SPATA6: variants seen among roughly 807,000 people sequenced by gnomAD.
SPATA6 encodes the protein spermatogenesis-associated protein 6.
A neutral mutation model predicts 65.3 loss-of-function variants in SPATA6; 56 were observed. The ratio of observed to expected loss-of-function variants is 0.86; its 90% CI spans 0.69 to 1.07. SPATA6 has a LOEUF of 1.07. Ranked by LOEUF, SPATA6 falls within the 50% of genes least tolerant of loss-of-function variation. The pLI is 0.00. For synonymous variants in SPATA6, 199 were observed against 213.2 expected (o/e 0.93, Z 0.58); for missense variants, 590 against 594.8 (o/e 0.99, Z 0.08).
In SPATA6 at chr1:48,472,103, TGGC is replaced by T. The variant is rs1658314108; in HGVS notation, c.-98_-96del. On this transcript the variant is annotated 5_prime_UTR_variant, in exon 1 of 13. Coordinates refer to ENST00000371847, the MANE Select transcript of SPATA6 (RefSeq NM_019073.4). Reference sequence around the variant, plus strand: ...GGGCGGGGACGGGGAGGAGACGAGGTGGCGGCGGCGGTGGCAGCAGTGGCCCCC... The same window carrying T: ...GGGCGGGGACGGGGAGGAGACGAGGTGGCGGCGGTGGCAGCAGTGGCCCCC... 2.4e-5 allele frequency: 25 copies of T among 1,028,778 alleles called. No individual in the cohort carries two copies. The East Asian group carries it at 7.6e-4, about 31-fold the overall frequency. 63.7% of individuals were successfully genotyped at this position (1,028,778 alleles called of 1,614,324 possible).
chr1:48,375,141 G>A (rs1647736309), intron 9 of SPATA6, among the ~76,000 whole-genome samples: 1 of 152,096 alleles, frequency 6.6e-6, no homozygotes, highest in Non-Finnish European at 1.5e-5. Context: ...GATCTCTCTG[G>A]CTATAATGGT....
At chr1:48,406,032 AG>A (rs1465742485) in intron 5 of SPATA6, among the ~76,000 whole-genome samples, 2 of 152,032 alleles carry the variant, frequency 1.3e-5, no homozygotes, top group African/African-American at 2.4e-5. Context: ...CCTAAAATGC[AG>A]TTTCTCACAA....
chr1:48,425,818 T>C (rs1156819142), intron 3 of SPATA6, among the ~76,000 whole-genome samples: 8 of 151,972 alleles, frequency 5.3e-5, no homozygotes, highest in Admixed American at 5.2e-4. Flanking sequence ...TAAATCCAGG[T>C]GGACTATAAA....
intron 3 of SPATA6, among the ~76,000 whole-genome samples, chr1:48,417,904 T>C (rs1233048226): frequency 6.6e-6 from 1 of 152,170 alleles, no homozygotes; most frequent in African/African-American, 2.4e-5. Flanking sequence ...TTGTTTGATT[T>C]TGAACAACAT....
chr1:48,387,478 G>A (rs1649598882), intron 8 of SPATA6, among the ~76,000 whole-genome samples: 1 of 152,118 alleles, frequency 6.6e-6, no homozygotes, highest in South Asian at 2.1e-4. Flanking sequence ...TGCCAGCTAG[G>A]GTGCCATCAC....
At chr1:48,343,401 A>AG (rs1646273244) in intron 11 of SPATA6, among the ~76,000 whole-genome samples, 1 of 152,210 alleles carries the variant, frequency 6.6e-6, no homozygotes, top group African/African-American at 2.4e-5. Flanking sequence ...TATGAACACT[A>AG]GAAAATGAAG....
intron 3 of SPATA6, among the ~76,000 whole-genome samples, chr1:48,448,679 C>T (rs1656290428): frequency 1.3e-5 from 2 of 152,054 alleles, no homozygotes; most frequent in African/African-American, 4.8e-5. Context: ...GGGAAACATT[C>T]CATACAACAG....
chr1:48,359,591 CCT>C lies in SPATA6; in HGVS notation c.1087_1088del (p.Arg363GlyfsTer6). 1 of 1,612,348 alleles carries C rather than the reference CCT, an allele frequency of 6.2e-7. No homozygotes were observed. Among genetic ancestry groups the C allele is most frequent in the South Asian group, 1.1e-5 (1 of 90,858 alleles). On this transcript the variant is annotated frameshift_variant, in exon 10 of 13. Transcript: ENST00000371847. LOFTEE classifies it high-confidence loss of function. ...TGAAGACCGCACATAATTACCTTTC[CCT>C]GAGAGAAGCTCTATTTAACACAGGG... ...PSPVLNRASL[R>X]ERFHSDWCSP... is the part of the protein sequence containing the mutation.
At chr1:48,370,427 A>T (rs1485288486) in intron 9 of SPATA6, among the ~76,000 whole-genome samples, 1 of 152,246 alleles carries the variant, frequency 6.6e-6, no homozygotes, top group Non-Finnish European at 1.5e-5. Flanking sequence ...CAATCTTGCC[A>T]AGAACATTCC....
rs373440220 is a variant in SPATA6 at position 48,298,761 on chromosome 1, T to C, written c.1419A>G (p.Leu473=). The C allele has an allele frequency of 6.2e-7, 1 of 1,613,950 alleles. No individual in the cohort carries two copies. Among genetic ancestry groups the C allele is most frequent in the Non-Finnish European group, 8.5e-7 (1 of 1,179,904 alleles). ...AAGCAGAACTACAGGCCTTTTTGTA[T>C]AAGTTCCTGTACATCTTGTCCATGC... ...ENSMDKMYRN[L]YKKACSSASH... Residue 473 remains leucine (L), a synonymous_variant, in exon 13 of 13, where the codon TTA becomes TTG. Transcript: ENST00000371847.
At chr1:48,436,641 C>G in intron 3 of SPATA6, 2 of 1,614,122 alleles carry the variant, frequency 1.2e-6, no homozygotes, top group Non-Finnish European at 1.7e-6. Flanking sequence ...TCCCACAGTT[C>G]AGCACATCAG....
intron 3 of SPATA6, among the ~76,000 whole-genome samples, chr1:48,435,062 T>A (rs1256394667): frequency 6.6e-6 from 1 of 151,888 alleles, no homozygotes; most frequent in East Asian, 1.9e-4. Flanking sequence ...TGATTCTGGG[T>A]CCCTGGAGAT....
rs138280206 is a variant in SPATA6, at chr1:48,416,019, G to A, written c.239-2868C>T. 1.4e-3 allele frequency among the ~76,000 whole-genome samples: 220 copies of A among 152,092 alleles called. 1 individual carries two copies. In the East Asian group the frequency reaches 0.034, roughly 23 times the overall value. ...GGAGTTCAAGACCAGCCTGGGCAAC[G>A]TGGCGAAACCCTGTCTCTACAGAAA... On this transcript the variant is annotated intron_variant, in intron 3 of 12. Coordinates refer to ENST00000371847, the MANE Select transcript of SPATA6 (RefSeq NM_019073.4).
chr1:48,353,987 A>G (rs1456354044), intron 11 of SPATA6, among the ~76,000 whole-genome samples: 1 of 152,102 alleles, frequency 6.6e-6, no homozygotes, highest in Non-Finnish European at 1.5e-5. Flanking sequence ...ACATATATCT[A>G]AGGACTCATA....
At chr1:48,336,576 T>C (rs1367490081) in intron 11 of SPATA6, among the ~76,000 whole-genome samples, 1 of 150,984 alleles carries the variant, frequency 6.6e-6, no homozygotes, top group South Asian at 2.1e-4. Context: ...GAGAGCTAAA[T>C]AAAGAGAATA....
chr1:48,405,231 CA>C (rs1252757794), intron 5 of SPATA6, among the ~76,000 whole-genome samples: 1 of 152,200 alleles, frequency 6.6e-6, no homozygotes, highest in African/African-American at 2.4e-5. Context: ...GCTACATTTT[CA>C]ATGTGTGTTC....
At chr1:48,270,070 A>C in the SPATA6 span, among the ~76,000 whole-genome samples, 3 of 152,134 alleles carry the variant, frequency 2.0e-5, no homozygotes, top group African/African-American at 7.2e-5. Context: ...AACTTCTTTA[A>C]ATTTTTACTG....
intron 1 of SPATA6, among the ~76,000 whole-genome samples, chr1:48,455,929 T>C (rs570693632): frequency 1.3e-5 from 2 of 150,256 alleles, no homozygotes; most frequent in African/African-American, 4.9e-5. Flanking sequence ...AAAAGGGAGG[T>C]TAAAAGAAAT....
At chr1:48,436,434 G>C in intron 3 of SPATA6, 1 of 1,607,548 alleles carries the variant, frequency 6.2e-7, no homozygotes, top group Non-Finnish European at 8.5e-7. Context: ...CTGAAGGAAT[G>C]AGTGAAACTT....
Sources: allele counts gnomAD v4.1 joint callset (sites outside exome capture counted in the v4.1 genomes callset), GRCh38; gene constraint gnomAD v4.1.1; transcripts MANE v1.5; gene names NCBI Gene and HGNC (gene_info 2026-07-23, HGNC 2026-07-21).